Variants in PCDH15 observed in about 807,000 individuals in gnomAD.
PCDH15 encodes protocadherin-15.
PCDH15 carries 129 observed loss-of-function variants against 178.5 expected under a neutral mutation model. That is an observed-to-expected ratio of 0.72 (90% confidence interval 0.63 to 0.84). The LOEUF is 0.84. Among genes scored for constraint, PCDH15 ranks in the 40% least tolerant of loss-of-function variants. The pLI is 0.00. For missense variants in PCDH15, 2,230 were observed against 2,099.9 expected (o/e 1.06, Z -1.21); for synonymous variants, 800 against 732.0 (o/e 1.09, Z -1.50).
chr10:54,783,051 A>G (rs1310164417), intron 1 of PCDH15, among the ~76,000 whole-genome samples: 1 of 152,160 alleles, frequency 6.6e-6, no homozygotes, highest in East Asian at 1.9e-4. Flanking sequence ...ACAGATATCA[A>G]TGGAGGGATA....
intron 2 of PCDH15, among the ~76,000 whole-genome samples, chr10:54,967,592 T>G (rs1276393712): frequency 6.6e-6 from 1 of 152,174 alleles, no homozygotes; most frequent in East Asian, 1.9e-4. Context: ...CTGAGTAGTA[T>G]TCCATTGTAT....
chr10:54,836,897 A>C (rs1031755221), intron 3 of PCDH15, among the ~76,000 whole-genome samples: 3 of 152,148 alleles, frequency 2.0e-5, no homozygotes, highest in African/African-American at 7.2e-5. Context: ...ACTATTGAGA[A>C]GATCTCCACA....
intron 1 of PCDH15, among the ~76,000 whole-genome samples, chr10:55,266,812 T>A (rs1288885725): frequency 6.6e-6 from 1 of 152,102 alleles, no homozygotes; most frequent in Non-Finnish European, 1.5e-5. Context: ...AGCGGCCTAC[T>A]CCAGGGGAAA....
At chr10:54,005,224 C>T (rs1332330734) in intron 20 of PCDH15, among the ~76,000 whole-genome samples, 4 of 151,914 alleles carry the variant, frequency 2.6e-5, no homozygotes, top group Admixed American at 6.6e-5. Flanking sequence ...AGAAAACATG[C>T]GGAAACTCTC....
chr10:54,988,584 G>A (rs1213552399), intron 2 of PCDH15, among the ~76,000 whole-genome samples: 1 of 152,174 alleles, frequency 6.6e-6, no homozygotes, highest in Non-Finnish European at 1.5e-5. Context: ...TTAGCAAAGA[G>A]ACTGGCAGCA....
At chr10:53,808,964 A>G (rs1365879298) in intron 37 of PCDH15, 2 of 1,558,142 alleles carry the variant, frequency 1.3e-6, no homozygotes, top group Non-Finnish European at 1.7e-6. Flanking sequence ...TCTTCTTCTG[A>G]GTGTTCTTCT....
At chr10:55,192,247 C>T (rs1251910728) in intron 1 of PCDH15, among the ~76,000 whole-genome samples, 1 of 151,748 alleles carries the variant, frequency 6.6e-6, no homozygotes, top group Non-Finnish European at 1.5e-5. Flanking sequence ...TCTTCCATAA[C>T]CAAAACCACT....
chr10:54,734,171 C>G (rs1591353626), intron 1 of PCDH15, among the ~76,000 whole-genome samples: 1 of 151,498 alleles, frequency 6.6e-6, no homozygotes, highest in Non-Finnish European at 1.5e-5. Context: ...TTGTCAATCC[C>G]CTATCTGACA....
rs201733434 is a variant in PCDH15, at chr10:54,690,202, C to T, written c.-28-25912G>A. 2.0e-5 allele frequency among the ~76,000 whole-genome samples: 3 copies of T among 152,136 alleles called. No individual in the cohort carries two copies. In the East Asian group the frequency reaches 5.8e-4, roughly 29 times the overall value. ...TTGTGGTAATGCTGGTGTTAACCTACTGCACTGCCAGTGTATAAAAATACA... is the reference window on the plus strand; with the variant it reads ...TTGTGGTAATGCTGGTGTTAACCTATTGCACTGCCAGTGTATAAAAATACA... On this transcript the variant is annotated intron_variant, in intron 1 of 37. Transcript: ENST00000644397.
chr10:54,473,649 G>T (rs1422425938), intron 3 of PCDH15, among the ~76,000 whole-genome samples: 1 of 151,872 alleles, frequency 6.6e-6, no homozygotes, highest in East Asian at 1.9e-4. Flanking sequence ...AGTTTATTAT[G>T]AGTTCAATTT....
intron 2 of PCDH15, among the ~76,000 whole-genome samples, chr10:55,104,017 C>T (rs912133607): frequency 2.0e-5 from 3 of 151,894 alleles, no homozygotes; most frequent in African/African-American, 7.3e-5. Context: ...TTGAGGTTAG[C>T]AGGTTTATAG....
chr10:54,083,340 C>T (rs2094464681), intron 16 of PCDH15, among the ~76,000 whole-genome samples: 1 of 152,124 alleles, frequency 6.6e-6, no homozygotes, highest in East Asian at 1.9e-4. Flanking sequence ...TTCACAGCAG[C>T]GGTATTTGTA....
intron 2 of PCDH15, among the ~76,000 whole-genome samples, chr10:54,590,832 A>G (rs1486924782): frequency 1.3e-5 from 2 of 152,172 alleles, no homozygotes; most frequent in Admixed American, 1.3e-4. Context: ...GTATGACACA[A>G]GCTAACAAAC....
chr10:54,582,878 C>T (rs898523400), intron 2 of PCDH15, among the ~76,000 whole-genome samples: 7 of 151,908 alleles, frequency 4.6e-5, no homozygotes, highest in Non-Finnish European at 8.8e-5. Flanking sequence ...AGAGCAAGAA[C>T]CTGTTTCCAA....
At chr10:55,322,805 G>A (rs1340621036), upstream of PCDH15, among the ~76,000 whole-genome samples, 1 of 99,938 alleles carries the variant, frequency 1.0e-5, no homozygotes, top group Non-Finnish European at 2.1e-5. Context: ...AAAAAAAAAT[G>A]GGGGGGGAGA....
At chr10:55,324,182 CCTTTA>C (rs1565009325), upstream of PCDH15, among the ~76,000 whole-genome samples, 2 of 152,096 alleles carry the variant, frequency 1.3e-5, no homozygotes, top group African/African-American at 4.8e-5. Context: ...AAATTTATTT[CCTTTA>C]CAAGTTACCC....
chr10:54,616,411 G>A (rs1323832515), intron 2 of PCDH15, among the ~76,000 whole-genome samples: 3 of 151,970 alleles, frequency 2.0e-5, no homozygotes, highest in Non-Finnish European at 4.4e-5. Context: ...TTCTTTGGAG[G>A]CCTTAATTTT....
At chr10:54,457,174 C>A (rs2076879361) in intron 3 of PCDH15, among the ~76,000 whole-genome samples, 1 of 152,094 alleles carries the variant, frequency 6.6e-6, no homozygotes, top group Non-Finnish European at 1.5e-5. Context: ...ATTCAAAGCA[C>A]AATTTTGTAT....
intron 2 of PCDH15, among the ~76,000 whole-genome samples, chr10:55,518,075 C>G (rs900293540): frequency 3.3e-5 from 5 of 152,080 alleles, no homozygotes; most frequent in South Asian, 2.1e-4. Flanking sequence ...TGTTGGAGGA[C>G]AGGAACATAA....
Sources: gnomAD v4.1 joint callset for allele counts (sites outside exome capture counted in the v4.1 genomes callset) on GRCh38, gnomAD v4.1.1 for gene constraint, MANE v1.5 for transcripts, NCBI Gene and HGNC (gene_info 2026-07-23, HGNC 2026-07-21) for gene names.